The following UBA1 variants were observed in gnomAD, a reference collection of about 807,000 sequenced individuals.
UBA1 encodes the protein ubiquitin like modifier activating enzyme 1, also known as ubiquitin-like modifier-activating enzyme 1.
In UBA1, 4 loss-of-function variants were observed where a neutral mutation model predicts 84.7. The observed-to-expected ratio is 0.05, with a 90% CI of 0.02 to 0.11. UBA1 has a LOEUF of 0.11. Ranked by LOEUF, UBA1 falls within the 10% of genes least tolerant of loss-of-function variation. The probability of loss-of-function intolerance (pLI) is 1.00; values close to 1 mark genes in which losing one functional copy is unlikely to be tolerated. For synonymous variants in UBA1, 364 were observed against 362.6 expected, an observed-to-expected ratio of 1.00 and a Z score of -0.04; for missense variants, 513 against 902.8, an observed-to-expected ratio of 0.57 and a Z score of 5.53.
Position 47,213,052 on chromosome X carries a change from C to T in UBA1, c.2709C>T (p.Gly903=), listed in dbSNP as rs1556794001. The T allele has an allele frequency of 8.3e-7, 1 of 1,212,092 alleles. No homozygotes were observed. Among genetic ancestry groups the T allele is most frequent in the East Asian group, 3.0e-5 (1 of 33,864 alleles). ...AIATTTAAVV[G]LVCLELYKVV... Reference sequence around the variant, plus strand: ...CCACGACCACAGCAGCCGTGGTTGGCCTTGTGTGTCTGGAGCTGTACAAGG... The same window carrying T: ...CCACGACCACAGCAGCCGTGGTTGGTCTTGTGTGTCTGGAGCTGTACAAGG... The change falls in exon 23 of 26, where the codon GGC becomes GGT. Residue 903 remains glycine (G), a synonymous_variant. Transcript: ENST00000335972.
intron 15 of UBA1, 47 bp from the exon 16 acceptor site, chrX:47,206,201 C>T (rs1157298095): frequency 1.0e-5 from 12 of 1,180,255 alleles, no homozygotes; most frequent in South Asian, 1.9e-5. Flanking sequence ...GTCTTTCTGT[C>T]CTCTCCTGAT....
chrX:47,214,292 G>C (rs1293037459), intron 23 of UBA1, 35 bp from the exon 24 acceptor site: 1 of 1,162,548 alleles, frequency 8.6e-7, no homozygotes, highest in African/African-American at 1.8e-5. Context: ...CCTCTGGGAT[G>C]GTCTCCATCT....
In UBA1 at chrX:47,202,202, C is replaced by T; in HGVS notation, c.858C>T (p.Tyr286=). 8.3e-7 allele frequency: 1 copy of T among 1,210,851 alleles called. No homozygotes were observed. The highest frequency in any genetic ancestry group is 1.1e-6 in the Non-Finnish European group (1 of 894,956). ...SICDTSNFSD[Y]IRGGIVSQVK... ...GTGACACCTCCAACTTCTCCGACTA[C>T]ATCCGTGGAGGCATCGTCAGTCAGG... The change falls in exon 9 of 26, where the codon TAC becomes TAT. Residue 286 remains tyrosine (Y), a synonymous_variant. Coordinates refer to ENST00000335972, the MANE Select transcript of UBA1 (RefSeq NM_003334.4).
intron 16 of UBA1, among the ~76,000 whole-genome samples, chrX:47,207,001 C>T (rs1432490994): frequency 9.0e-6 from 1 of 110,769 alleles, no homozygotes; most frequent in Non-Finnish European, 1.9e-5. Context: ...CACTCTCCCT[C>T]CATCATGACA....
Position 47,203,682 on chromosome X carries a change from C to T in UBA1, c.1561C>T (p.Pro521Ser). ...TCTGAATCGACAGTTTCTTTTCCGG[C>T]CCTGGGATGTCACGGTGAGTAGGGT... ...SNLNRQFLFR[P>S]WDVTKLKSDT... Residue 521 changes from proline to serine, a missense_variant, in exon 14 of 26, where the codon CCC (proline) becomes TCC (serine). Pro to Ser is a moderately conservative substitution (Grantham distance 74, BLOSUM62 -1). Transcript: ENST00000335972. The T allele has an allele frequency of 8.3e-7, 1 of 1,210,603 alleles. No individual in the cohort carries two copies. Among genetic ancestry groups the T allele is most frequent in the South Asian group, 1.8e-5 (1 of 56,882 alleles).
At position 47,214,843 on chromosome X, in the gene UBA1, G is replaced by C. The variant is rs898122193; in HGVS notation, c.3091G>C (p.Val1031Leu). Reference protein sequence around the residue: ...RVSKRKLGRHVRALVLELCCN... With the variant: ...RVSKRKLGRHLRALVLELCCN... Reference sequence around the variant, plus strand: ...GTCGAAGCGAAAGCTGGGCCGCCACGTGCGGGCGCTGGTGCTTGAGCTGTG... The same window carrying C: ...GTCGAAGCGAAAGCTGGGCCGCCACCTGCGGGCGCTGGTGCTTGAGCTGTG... The change falls in exon 26 of 26, where the codon GTG becomes CTG. Residue 1031 changes from valine to leucine, a missense_variant. Coordinates refer to ENST00000335972, the MANE Select transcript of UBA1 (RefSeq NM_003334.4). 1 of 1,211,905 alleles carries C rather than the reference G, an allele frequency of 8.3e-7. No individual in the cohort carries two copies.
At position 47,206,128 on chromosome X, in the gene UBA1, G is replaced by A. The variant is rs1407467729; in HGVS notation, c.1741+15G>A. 8.4e-7 allele frequency: 1 copy of A among 1,193,198 alleles called. No individual in the cohort carries two copies. The highest frequency in any genetic ancestry group is 1.1e-6 in the Non-Finnish European group (1 of 886,259). Reference sequence around the variant, plus strand: ...CGTGGATGCCCGTGAGTTTGGAGGCGGGTGAGGTGGTCACGGGCAAAGTTG... The same window carrying A: ...CGTGGATGCCCGTGAGTTTGGAGGCAGGTGAGGTGGTCACGGGCAAAGTTG... On this transcript the variant is annotated intron_variant, in intron 15 of 25. Transcript: ENST00000335972.
intron 23 of UBA1, 29 bp from the exon 24 acceptor site, chrX:47,214,298 C>T: frequency 8.4e-7 from 1 of 1,186,431 alleles, no homozygotes; most frequent in South Asian, 1.8e-5. Context: ...GGATGGTCTC[C>T]ATCTTACACT....
At chrX:47,205,590 C>T (rs1398507376) in intron 14 of UBA1, 11 of 350,106 alleles carry the variant, frequency 3.1e-5, no homozygotes, top group East Asian at 1.6e-4. Context: ...GGGCCAGGTG[C>T]GGTGGCTCAC....
intron 23 of UBA1, among the ~76,000 whole-genome samples, chrX:47,213,838 G>T (rs1301511344): frequency 9.1e-6 from 1 of 110,066 alleles, no homozygotes; most frequent in East Asian, 2.8e-4. Flanking sequence ...TTGCACTCCC[G>T]CCTGGGTGAC....
intron 24 of UBA1, 31 bp downstream of exon 24, chrX:47,214,459 C>A: frequency 2.5e-6 from 3 of 1,201,724 alleles, no homozygotes; most frequent in Non-Finnish European, 3.4e-6. Flanking sequence ...TGTCACCCCA[C>A]CTCAGGGGGC....
chrX:47,212,637 C>A, intron 21 of UBA1, 125 bp downstream of exon 21: 1 of 856,139 alleles, frequency 1.2e-6, no homozygotes, highest in Non-Finnish European at 1.7e-6. Context: ...TGCCATATGG[C>A]TCTGAATGAG....
chrX:47,212,625 C>T (rs1936973674), intron 21 of UBA1, 113 bp downstream of exon 21: 1 of 858,285 alleles, frequency 1.2e-6, no homozygotes, highest in Non-Finnish European at 1.7e-6. Flanking sequence ...AGATTGTGGG[C>T]CTGCCATATG....
intron 20 of UBA1, among the ~76,000 whole-genome samples, 156 bp downstream of exon 20, chrX:47,211,381 G>A (rs1936908316): frequency 9.0e-6 from 1 of 111,692 alleles, no homozygotes; most frequent in African/African-American, 3.3e-5. Flanking sequence ...TTGACATGAA[G>A]AGGGTAGGTT....
At chrX:47,201,446 C>A (rs1936414986) in intron 7 of UBA1, 32 bp from the exon 8 acceptor site, 1 of 1,210,140 alleles carries the variant, frequency 8.3e-7, no homozygotes, top group Non-Finnish European at 1.1e-6. Flanking sequence ...TACCCTGGGC[C>A]TGTTTCTGAG....
chrX:47,202,932 C>T lies in UBA1; in HGVS notation c.1234-11C>T, dbSNP rs1556788935. On this transcript the variant is annotated splice_polypyrimidine_tract_variant and intron_variant, in intron 11 of 25. Coordinates refer to ENST00000335972, the MANE Select transcript of UBA1 (RefSeq NM_003334.4). ...CCACTGACCACCCCCTCTCTCCCTT[C>T]CCCTCTCCAGGCCTGCTCCGGGAAG... 2 of 1,209,494 alleles carry T rather than the reference C, an allele frequency of 1.7e-6. No homozygotes were observed. Among genetic ancestry groups the T allele is most frequent in the South Asian group, 3.5e-5 (2 of 56,862 alleles).
At chrX:47,208,272 C>T (rs868941952) in intron 16 of UBA1, among the ~76,000 whole-genome samples, 1 of 106,442 alleles carries the variant, frequency 9.4e-6, no homozygotes, top group Non-Finnish European at 1.9e-5. Context: ...AGTGTCTGTA[C>T]GTGTGTGTGT....
rs1199075657 is a variant in UBA1, at chrX:47,202,966, C to T, written c.1257C>T (p.Pro419=). 2.5e-6 allele frequency: 3 copies of T among 1,209,957 alleles called. No individual in the cohort carries two copies. The highest frequency in any genetic ancestry group is 3.4e-6 in the Non-Finnish European group (3 of 895,144). ...AGGCCTGCTCCGGGAAGTTCATGCC[C>T]ATCATGCAGTGGCTATACTTTGATG... is the stretch of plus-strand genomic sequence containing the variant. ...VMKACSGKFM[P]IMQWLYFDAL... is the part of the protein sequence containing the mutation. Residue 419 remains proline (P), a synonymous_variant, in exon 12 of 26, where the codon CCC becomes CCT. Transcript: ENST00000335972.
chrX:47,202,522 C>G lies in UBA1; in HGVS notation c.1056+18C>G. On this transcript the variant is annotated intron_variant, in intron 10 of 25. Transcript: ENST00000335972. ...GCAATGAGGTGGGTGAGTGGGCGAG[C>G]CAGCCAGCGCAGACATGCCTGGCAC... is the stretch of plus-strand genomic sequence containing the variant. 8.3e-7 allele frequency: 1 copy of G among 1,202,648 alleles called. No individual in the cohort carries two copies. Among genetic ancestry groups the G allele is most frequent in the African/African-American group, 1.7e-5 (1 of 57,768 alleles).
Sources: gnomAD v4.1 joint callset for allele counts (sites outside exome capture counted in the v4.1 genomes callset) on GRCh38, gnomAD v4.1.1 for gene constraint, MANE v1.5 for transcripts, NCBI Gene and HGNC (gene_info 2026-07-23, HGNC 2026-07-21) for gene names.